AXIN1: variants seen among roughly 807,000 people sequenced by gnomAD.
The protein encoded by AXIN1 is axin-1.
AXIN1 carries 30 observed loss-of-function variants against 76.4 expected under a neutral mutation model. That is an observed-to-expected ratio of 0.39 (90% CI 0.29 to 0.53). The LOEUF (loss-of-function observed/expected upper bound fraction) is 0.53, where lower values mean the gene tolerates loss of function less well. Ranked by LOEUF, AXIN1 falls within the 20% of genes least tolerant of loss-of-function variation. The probability of loss-of-function intolerance (pLI) is 0.66; values close to 1 mark genes in which losing one functional copy is unlikely to be tolerated. For synonymous variants in AXIN1, 545 were observed against 501.4 expected (o/e 1.09, Z -1.16); for missense variants, 1,140 against 1,198.8 (o/e 0.95, Z 0.72).
chr16:313,131 G>A (rs911963184), intron 3 of AXIN1, among the ~76,000 whole-genome samples: 18 of 152,130 alleles, frequency 1.2e-4, no homozygotes. Flanking sequence ...GTGAGGCCTC[G>A]TCTCCACAAA....
At chr16:337,445 C>T (rs937728507) in intron 2 of AXIN1, among the ~76,000 whole-genome samples, 9 of 150,200 alleles carry the variant, frequency 6.0e-5, no homozygotes, top group African/African-American at 2.2e-4. Flanking sequence ...GGAGCAGACA[C>T]CAATCCCATA....
At chr16:301,077 T>C (rs570896033) in intron 5 of AXIN1, among the ~76,000 whole-genome samples, 122 of 152,168 alleles carry the variant, frequency 8.0e-4, no homozygotes, top group Admixed American at 2.2e-3. Flanking sequence ...GAGACCATCC[T>C]GGCTAACATG....
At chr16:288,620 G>A (rs748614703) in intron 10 of AXIN1, among the ~76,000 whole-genome samples, 100 of 152,372 alleles carry the variant, frequency 6.6e-4, no homozygotes, top group African/African-American at 2.2e-3. Context: ...CACCACATCT[G>A]CAGTCATGGG....
intron 5 of AXIN1, among the ~76,000 whole-genome samples, chr16:302,953 C>T (rs537769377): frequency 1.3e-5 from 2 of 152,272 alleles, no homozygotes; most frequent in Admixed American, 1.3e-4. Context: ...ACCTGACCTC[C>T]TGGGCTCAAG....
intron 2 of AXIN1, among the ~76,000 whole-genome samples, chr16:328,685 A>C (rs1865295835): frequency 6.6e-6 from 1 of 152,122 alleles, no homozygotes; most frequent in Admixed American, 6.5e-5. Flanking sequence ...AACAAGAGCG[A>C]AACTCCATGT....
chr16:309,827 C>A (rs74003744), intron 4 of AXIN1, 146 bp downstream of exon 4: 15,173 of 768,004 alleles, frequency 0.02, 1,000 homozygotes, highest in African/African-American at 0.18. Context: ...TGGCCACTTG[C>A]AGATGTTGCT....
At chr16:301,503 G>C (rs1050275755) in intron 5 of AXIN1, among the ~76,000 whole-genome samples, 1 of 152,200 alleles carries the variant, frequency 6.6e-6, no homozygotes, top group Admixed American at 6.5e-5. Flanking sequence ...AACATGTCTT[G>C]CTTAAGGCCA....
chr16:308,317 T>C (rs2053082454), intron 4 of AXIN1, among the ~76,000 whole-genome samples: 1 of 152,198 alleles, frequency 6.6e-6, no homozygotes, highest in African/African-American at 2.4e-5. Context: ...TCTTTCCAGG[T>C]CCACGTTCCA....
intron 4 of AXIN1, among the ~76,000 whole-genome samples, chr16:308,386 G>A (rs973961912): frequency 6.6e-6 from 1 of 152,232 alleles, no homozygotes; most frequent in Non-Finnish European, 1.5e-5. Flanking sequence ...GAGGTTGTCT[G>A]CCTGATGCCC....
At chr16:309,141 T>C (rs1037949778) in intron 4 of AXIN1, among the ~76,000 whole-genome samples, 1 of 151,944 alleles carries the variant, frequency 6.6e-6, no homozygotes, top group Admixed American at 6.6e-5. Flanking sequence ...CCATCCTGGC[T>C]AATACGGTGA....
chr16:334,610 A>G (rs2053765949), intron 2 of AXIN1, among the ~76,000 whole-genome samples: 1 of 151,082 alleles, frequency 6.6e-6, no homozygotes. Context: ...TGGCACACTG[A>G]TAACACAGCA....
chr16:301,389 T>C (rs1382672555), intron 5 of AXIN1, among the ~76,000 whole-genome samples: 1 of 151,576 alleles, frequency 6.6e-6, no homozygotes, highest in African/African-American at 2.4e-5. Context: ...GGCACTGCCA[T>C]GCTCCCTGTT....
intron 2 of AXIN1, among the ~76,000 whole-genome samples, chr16:323,581 A>G (rs2053512189): frequency 6.6e-6 from 1 of 151,970 alleles, no homozygotes; most frequent in Non-Finnish European, 1.5e-5. Flanking sequence ...AGAGATCAAG[A>G]CCATCCTGGC....
intron 3 of AXIN1, among the ~76,000 whole-genome samples, chr16:312,250 G>A (rs1043552339): frequency 3.9e-5 from 6 of 152,130 alleles, no homozygotes; most frequent in South Asian, 2.1e-4. Context: ...CTGCCCCACC[G>A]GAATGATGCT....
chr16:304,164 G>T, intron 5 of AXIN1, 140 bp downstream of exon 5: 1 of 1,414,354 alleles, frequency 7.1e-7, no homozygotes, highest in Non-Finnish European at 9.8e-7. Context: ...AAGGGGAACA[G>T]GGGACTCAGC....
At chr16:304,081 G>A (rs543280466) in intron 5 of AXIN1, among the ~76,000 whole-genome samples, 1 of 152,334 alleles carries the variant, frequency 6.6e-6, no homozygotes, top group East Asian at 1.9e-4. Context: ...GACCAAGGTG[G>A]GTCTCTGGGC....
intron 2 of AXIN1, among the ~76,000 whole-genome samples, chr16:341,662 T>TG (rs2053925042): frequency 2.0e-5 from 3 of 151,106 alleles, no homozygotes; most frequent in Non-Finnish European, 4.4e-5. Flanking sequence ...CAGCTCCACC[T>TG]GCAACCCCGG....
At chr16:305,796 A>G (rs1472043069) in intron 4 of AXIN1, among the ~76,000 whole-genome samples, 2 of 152,078 alleles carry the variant, frequency 1.3e-5, no homozygotes, top group Non-Finnish European at 2.9e-5. Context: ...CGCCTGCCTC[A>G]GCCTCCCAAA....
intron 2 of AXIN1, among the ~76,000 whole-genome samples, chr16:333,527 G>A (rs534127346): frequency 1.3e-5 from 2 of 151,486 alleles, no homozygotes; most frequent in South Asian, 2.1e-4. Context: ...AAAGCCCCCA[G>A]CAAAACACAG....
Sources: gnomAD v4.1 joint callset for allele counts (sites outside exome capture counted in the v4.1 genomes callset) on GRCh38, gnomAD v4.1.1 for gene constraint, MANE v1.5 for transcripts, NCBI Gene and HGNC (gene_info 2026-07-23, HGNC 2026-07-21) for gene names.